The following CDH13 variants were observed in gnomAD, a reference collection of about 807,000 sequenced individuals.
CDH13 encodes the protein cadherin 13.
CDH13 carries 24 observed loss-of-function variants against 63.8 expected under a neutral mutation model. That is an observed-to-expected ratio of 0.38 (90% CI 0.27 to 0.53). The LOEUF (loss-of-function observed/expected upper bound fraction) is 0.53, where lower values mean the gene tolerates loss of function less well. Ranked by LOEUF, CDH13 falls within the 20% of genes least tolerant of loss-of-function variation. CDH13 has a pLI of 0.85. For synonymous variants in CDH13, 503 were observed against 355.3 expected (o/e 1.42, Z -4.67); for missense variants, 1,049 against 903.1 (o/e 1.16, Z -2.07).
chr16:83,113,958 T>C (rs921810528), intron 3 of CDH13, among the ~76,000 whole-genome samples: 1 of 151,628 alleles, frequency 6.6e-6, no homozygotes, highest in East Asian at 1.9e-4. Context: ...GTAGGCTTAA[T>C]GACGGGGAGA....
intron 2 of CDH13, among the ~76,000 whole-genome samples, chr16:83,016,893 C>G (rs558264649): frequency 7.2e-5 from 11 of 152,314 alleles, no homozygotes; most frequent in African/African-American, 2.6e-4. Context: ...AATTGACATT[C>G]TGAAGTCCTT....
chr16:83,484,591 T>G (rs528295608), intron 6 of CDH13, among the ~76,000 whole-genome samples: 10 of 152,344 alleles, frequency 6.6e-5, no homozygotes, highest in Admixed American at 2.0e-4. Context: ...ACATTCACCT[T>G]GTAAAAATAA....
chr16:83,321,094 G>A (rs142355218), intron 5 of CDH13, among the ~76,000 whole-genome samples: 21 of 152,320 alleles, frequency 1.4e-4, no homozygotes, highest in South Asian at 8.3e-4. Flanking sequence ...AATACAAATA[G>A]AAGGAGATTG....
intron 2 of CDH13, among the ~76,000 whole-genome samples, chr16:83,029,475 A>G (rs893519906): frequency 6.6e-6 from 1 of 152,250 alleles, no homozygotes; most frequent in African/African-American, 2.4e-5. Context: ...CTCTATGATG[A>G]TTAAGATAAA....
chr16:83,792,631 C>T (rs1247932674), intron 13 of CDH13, among the ~76,000 whole-genome samples: 1 of 152,156 alleles, frequency 6.6e-6, no homozygotes, highest in Non-Finnish European at 1.5e-5. Flanking sequence ...ACAGCACCCC[C>T]CACAAAGAAT....
At chr16:83,572,044 C>T (rs1325850415) in intron 7 of CDH13, among the ~76,000 whole-genome samples, 1 of 152,112 alleles carries the variant, frequency 6.6e-6, no homozygotes, top group Non-Finnish European at 1.5e-5. Flanking sequence ...CGGTGAGAGT[C>T]AAATAGGGAT....
chr16:83,201,472 ATG>A (rs2039026631), intron 4 of CDH13, among the ~76,000 whole-genome samples: 1 of 151,868 alleles, frequency 6.6e-6, no homozygotes, highest in Non-Finnish European at 1.5e-5. Context: ...TGTAGCAACA[ATG>A]TAATGAGCCA....
In CDH13 at chr16:83,047,603, T is replaced by C. The variant is rs536063683; in HGVS notation, c.366+15385T>C. On this transcript the variant is annotated intron_variant, in intron 3 of 13. Transcript: ENST00000567109. This position sits in a 1 kb window ranked among gnomAD's most constrained non-coding sequence, Gnocchi z 4.9. Reference sequence around the variant, plus strand: ...TCCCTGTATTTTCCCAAATTCTGCATAAATAAAATAATATGCTCCATAATG... The same window carrying C: ...TCCCTGTATTTTCCCAAATTCTGCACAAATAAAATAATATGCTCCATAATG... 1.1e-3 allele frequency among the ~76,000 whole-genome samples: 160 copies of C among 152,336 alleles called. No homozygotes were observed. The highest frequency in any genetic ancestry group is 3.7e-3 in the African/African-American group (152 of 41,586).
At chr16:83,201,665 A>C (rs1222923104) in intron 4 of CDH13, among the ~76,000 whole-genome samples, 1 of 151,946 alleles carries the variant, frequency 6.6e-6, no homozygotes, top group Non-Finnish European at 1.5e-5. Flanking sequence ...TGGGAGGCTG[A>C]GGCGGGCAGG....
At chr16:83,190,683 T>G (rs548323972) in intron 4 of CDH13, among the ~76,000 whole-genome samples, 10 of 152,128 alleles carry the variant, frequency 6.6e-5, no homozygotes, top group Non-Finnish European at 1.3e-4. Flanking sequence ...TAGCCCCAAG[T>G]GCTAATACTC....
intron 4 of CDH13, among the ~76,000 whole-genome samples, chr16:83,197,037 A>G (rs1384017716): frequency 6.6e-6 from 1 of 152,232 alleles, no homozygotes; most frequent in East Asian, 1.9e-4. Flanking sequence ...AAAACAACCC[A>G]GATGTCCTTC....
At chr16:82,885,143 C>G (rs1360466017) in intron 2 of CDH13, among the ~76,000 whole-genome samples, 1 of 152,158 alleles carries the variant, frequency 6.6e-6, no homozygotes, top group South Asian at 2.1e-4. Flanking sequence ...GAGATGGATA[C>G]AAAGATGGAT....
intron 7 of CDH13, among the ~76,000 whole-genome samples, chr16:83,543,468 C>T (rs1399533575): frequency 6.6e-6 from 1 of 152,278 alleles, no homozygotes; most frequent in Admixed American, 6.5e-5. Context: ...TTGTTGCTTG[C>T]CTTGCCTTGA....
At chr16:83,254,401 T>G (rs909023717) in intron 5 of CDH13, among the ~76,000 whole-genome samples, 2 of 152,160 alleles carry the variant, frequency 1.3e-5, no homozygotes, top group African/African-American at 4.8e-5. Flanking sequence ...TGAGAAAGTT[T>G]CAGGTGTTCT....
chr16:82,672,427 C>T (rs978523482), intron 1 of CDH13, among the ~76,000 whole-genome samples: 7 of 152,084 alleles, frequency 4.6e-5, no homozygotes, highest in African/African-American at 1.2e-4. Flanking sequence ...CTATCTAGGC[C>T]GTGATGACCC....
intron 2 of CDH13, among the ~76,000 whole-genome samples, chr16:82,866,452 G>T (rs796343300): frequency 2.5e-5 from 3 of 120,834 alleles, no homozygotes; most frequent in Non-Finnish European, 1.6e-5. Context: ...GCAGTGGCAC[G>T]ATCTCAGCTC....
At chr16:83,326,217 A>T (rs1449684718) in intron 5 of CDH13, among the ~76,000 whole-genome samples, 1 of 152,132 alleles carries the variant, frequency 6.6e-6, no homozygotes, top group African/African-American at 2.4e-5. Flanking sequence ...CCGGACAACA[A>T]CAACAAATTA....
At chr16:83,372,332 C>G (rs1009364215) in intron 6 of CDH13, among the ~76,000 whole-genome samples, 2 of 152,124 alleles carry the variant, frequency 1.3e-5, no homozygotes, top group Non-Finnish European at 1.5e-5. Flanking sequence ...TGTTGTATCT[C>G]AAATCATGAC....
At chr16:83,119,531 G>A (rs74890055) in intron 3 of CDH13, among the ~76,000 whole-genome samples, 1 of 152,050 alleles carries the variant, frequency 6.6e-6, no homozygotes, top group African/African-American at 2.4e-5. Context: ...CCTCCTTTAC[G>A]CTGATCTTCA....
Sources: gnomAD v4.1 joint callset for allele counts (sites outside exome capture counted in the v4.1 genomes callset) on GRCh38, gnomAD v4.1.1 for gene constraint, Gnocchi (gnomAD v3.1) non-coding constraint, MANE v1.5 for transcripts, NCBI Gene and HGNC (gene_info 2026-07-23, HGNC 2026-07-21) for gene names.